Variants in PTPN3 observed in about 807,000 individuals in gnomAD.
The protein encoded by PTPN3 is protein tyrosine phosphatase non-receptor type 3.
In PTPN3, 96 loss-of-function variants were observed where a neutral mutation model predicts 132.7. The observed-to-expected ratio is 0.72, with a 90% CI of 0.61 to 0.86. PTPN3 has a LOEUF of 0.86. Ranked by LOEUF, PTPN3 falls within the 40% of genes least tolerant of loss-of-function variation. The pLI, the probability that PTPN3 is intolerant of heterozygous loss-of-function variation, is 0.00. For synonymous variants in PTPN3, 398 were observed against 429.0 expected, an observed-to-expected ratio of 0.93 and a Z score of 0.89; for missense variants, 1,125 against 1,159.6, an observed-to-expected ratio of 0.97 and a Z score of 0.43.
the PTPN3 span, among the ~76,000 whole-genome samples, chr9:109,537,528 A>ACTCT: frequency 0.33 from 50,248 of 151,258 alleles, 8,988 homozygotes; most frequent in Middle Eastern, 0.45. Context: ...TGTCTGCCTG[A>ACTCT]CTCTCTCCTG....
chr9:109,380,619 C>T (rs781610867), intron 25 of PTPN3, among the ~76,000 whole-genome samples: 9 of 152,140 alleles, frequency 5.9e-5, no homozygotes, highest in Non-Finnish European at 8.8e-5. Context: ...CGAGGTCTTC[C>T]ATACCAAAAA....
chr9:109,399,106 T>C lies in PTPN3; in HGVS notation c.1953+5342A>G, dbSNP rs140121606. On this transcript the variant is annotated intron_variant, in intron 19 of 25. Transcript: ENST00000374541. ...AAAGGGAATGGCTAATGTTGGAGGA[T>C]AGAGTGAGGGCTGGGTACACTCAGC... 3.1e-3 allele frequency among the ~76,000 whole-genome samples: 468 copies of C among 152,302 alleles called. 4 individuals carry two copies. Among genetic ancestry groups the C allele is most frequent in the African/African-American group, 0.011 (445 of 41,556 alleles).
intron 1 of PTPN3, among the ~76,000 whole-genome samples, chr9:109,491,542 G>GT (rs967153309): frequency 2.0e-4 from 30 of 152,118 alleles, no homozygotes; most frequent in African/African-American, 7.0e-4. Flanking sequence ...CTTAGAAAAA[G>GT]TTTTTTTAAA....
At chr9:109,445,352 A>T in intron 6 of PTPN3, 60 bp from the exon 7 acceptor site, 1 of 1,426,544 alleles carries the variant, frequency 7.0e-7, no homozygotes, top group Non-Finnish European at 9.9e-7. Flanking sequence ...TTAAACATTG[A>T]CAGATCATGC....
chr9:109,473,260 C>T (rs1047559437), intron 1 of PTPN3, among the ~76,000 whole-genome samples: 3 of 152,120 alleles, frequency 2.0e-5, no homozygotes, highest in South Asian at 2.1e-4. Flanking sequence ...GTAATTTGTT[C>T]GGGGAGTGGC....
rs1588477281 is a variant in PTPN3 at position 109,468,986 on chromosome 9, A to T, written c.-17-5535T>A. Reference sequence around the variant, plus strand: ...AATAAAGACAGCTTGCTAGAGTTAAAAGATAGTTGTGATAGATATGTGATA... The same window carrying T: ...AATAAAGACAGCTTGCTAGAGTTAATAGATAGTTGTGATAGATATGTGATA... On this transcript the variant is annotated intron_variant, in intron 1 of 25. Coordinates refer to ENST00000374541, the MANE Select transcript of PTPN3 (RefSeq NM_002829.4). Among the ~76,000 whole-genome samples, 4 of 152,240 alleles carry T rather than the reference A, an allele frequency of 2.6e-5. No individual in the cohort carries two copies. The East Asian group carries it at 7.7e-4, about 29-fold the overall frequency.
chr9:109,507,842 G>A, the PTPN3 span, among the ~76,000 whole-genome samples: 4 of 152,310 alleles, frequency 2.6e-5, no homozygotes, highest in African/African-American at 9.6e-5. Context: ...TCCCTATGAA[G>A]TTCTCCAGCT....
intron 14 of PTPN3, among the ~76,000 whole-genome samples, chr9:109,411,942 G>A (rs10816808): frequency 0.33 from 50,291 of 151,934 alleles, 8,444 homozygotes; most frequent in African/African-American, 0.39. Context: ...CAGAGACAGA[G>A]TATTTTGGAA....
rs1375508882 is a variant in PTPN3, at chr9:109,391,572, A to C, written c.1954-11T>G. 4.4e-6 allele frequency: 7 copies of C among 1,597,812 alleles called. No homozygotes were observed. On this transcript the variant is annotated splice_polypyrimidine_tract_variant and intron_variant, in intron 19 of 25. Coordinates refer to ENST00000374541, the MANE Select transcript of PTPN3 (RefSeq NM_002829.4). Reference sequence around the variant, plus strand: ...TTTTCTGTAGAGTTGCTATGTGAGAAATAGAGAAAAAAGCAAGCATTGCAA... The same window carrying C: ...TTTTCTGTAGAGTTGCTATGTGAGACATAGAGAAAAAAGCAAGCATTGCAA...
chr9:109,455,587 T>C (rs916110824), intron 4 of PTPN3, among the ~76,000 whole-genome samples: 7 of 152,340 alleles, frequency 4.6e-5, no homozygotes, highest in African/African-American at 1.4e-4. Context: ...CATGTCTAGG[T>C]ACCAGCGGAT....
At chr9:109,534,929 C>G in the PTPN3 span, among the ~76,000 whole-genome samples, 1 of 152,200 alleles carries the variant, frequency 6.6e-6, no homozygotes. Flanking sequence ...AGCTCTTTTT[C>G]TAAACCTATT....
chr9:109,391,461 G>A lies in PTPN3; in HGVS notation c.2044+10C>T, dbSNP rs200532655. On this transcript the variant is annotated intron_variant, in intron 20 of 25. Transcript: ENST00000374541. ...TAGGGGGGAAGGAGGCATTCATGCC[G>A]GATACTCACAAGGCAGCACATCTTT... 7.0e-5 allele frequency: 113 copies of A among 1,604,074 alleles called. No individual in the cohort carries two copies. Among genetic ancestry groups the A allele is most frequent in the South Asian group, 5.6e-4 (51 of 90,512 alleles).
At position 109,379,653 on chromosome 9, in the gene PTPN3, T is replaced by C; in HGVS notation, c.2665-20A>G. 1 of 1,594,670 alleles carries C rather than the reference T, an allele frequency of 6.3e-7. No homozygotes were observed. Among genetic ancestry groups the C allele is most frequent in the Non-Finnish European group, 8.6e-7 (1 of 1,162,294 alleles). ...CTGGCTCTGGAAAAGAAAAAAATGC[T>C]GTCAAGTCCTGTAGCTCCAGGAAAT... On this transcript the variant is annotated intron_variant, in intron 25 of 25. Coordinates refer to ENST00000374541, the MANE Select transcript of PTPN3 (RefSeq NM_002829.4).
At chr9:109,430,871 T>C (rs1004075452) in intron 10 of PTPN3, among the ~76,000 whole-genome samples, 6 of 152,184 alleles carry the variant, frequency 3.9e-5, no homozygotes, top group African/African-American at 1.2e-4. Context: ...CCTGACTCAC[T>C]AGCTGGGTTC....
intron 7 of PTPN3, among the ~76,000 whole-genome samples, chr9:109,445,035 T>C (rs1470687583): frequency 1.3e-5 from 2 of 152,256 alleles, no homozygotes; most frequent in Non-Finnish European, 2.9e-5. Flanking sequence ...TCCTTTCCCC[T>C]TAACCACCTT....
chr9:109,474,460 C>T (rs1414478027), intron 1 of PTPN3, among the ~76,000 whole-genome samples: 1 of 152,118 alleles, frequency 6.6e-6, no homozygotes. Context: ...GAGGAAGCCC[C>T]AGGGTGCTGG....
chr9:109,414,076 G>A lies in PTPN3; in HGVS notation c.1314-3661C>T, dbSNP rs145031264. On this transcript the variant is annotated intron_variant, in intron 14 of 25. Coordinates refer to ENST00000374541, the MANE Select transcript of PTPN3 (RefSeq NM_002829.4). ...CTCGGAACACAGGACCAGGCACACA[G>A]GGAGTACTCAACTGAAATGCTGAGT... Among the ~76,000 whole-genome samples, 7 of 152,300 alleles carry A rather than the reference G, an allele frequency of 4.6e-5. No individual in the cohort carries two copies. The East Asian group carries it at 9.7e-4, about 21-fold the overall frequency.
chr9:109,448,406 G>A (rs748589101), intron 6 of PTPN3, among the ~76,000 whole-genome samples: 2 of 152,122 alleles, frequency 1.3e-5, no homozygotes, highest in Non-Finnish European at 2.9e-5. Flanking sequence ...TGAATCACAG[G>A]CAAATGAGCA....
intron 1 of PTPN3, among the ~76,000 whole-genome samples, chr9:109,489,773 A>G (rs1186994036): frequency 6.6e-6 from 1 of 151,920 alleles, no homozygotes; most frequent in South Asian, 2.1e-4. Flanking sequence ...TTCTGCTTGT[A>G]TATCTGCAAG....
Sources: gnomAD v4.1 joint callset for allele counts (sites outside exome capture counted in the v4.1 genomes callset) on GRCh38, gnomAD v4.1.1 for gene constraint, MANE v1.5 for transcripts, NCBI Gene and HGNC (gene_info 2026-07-23, HGNC 2026-07-21) for gene names.